The following MAPKAPK5 variants were observed in gnomAD, a reference collection of about 807,000 sequenced individuals.
MAPKAPK5 encodes MAP kinase-activated protein kinase 5.
Under a neutral mutation model 65.1 loss-of-function variants are expected in MAPKAPK5, and 30 were observed. The observed-to-expected ratio is 0.46, with a 90% CI of 0.34 to 0.63. The LOEUF (loss-of-function observed/expected upper bound fraction) is 0.63. Ranked by LOEUF, MAPKAPK5 falls within the 20% of genes least tolerant of loss-of-function variation. The probability of loss-of-function intolerance (pLI) is 0.01; values close to 1 mark genes in which losing one functional copy is unlikely to be tolerated. For missense variants in MAPKAPK5, 433 were observed against 581.4 expected (o/e 0.74, Z 2.63); for synonymous variants, 179 against 204.6 (o/e 0.87, Z 1.07).
At position 111,901,817 on chromosome 12, in the gene MAPKAPK5, T is replaced by C. The variant is rs2071075546; in HGVS notation, c.*8756T>C. ...AGCTTTAGTGGCTCTGACTCAGATA[T>C]ACTGATGTAGAAGGAAGGATTCTTT... On this transcript the variant is annotated 3_prime_UTR_variant, in exon 14 of 14. Transcript: ENST00000550735. 6.2e-6 allele frequency: 1 copy of C among 161,162 alleles called. No individual in the cohort carries two copies. Among genetic ancestry groups the C allele is most frequent in the African/African-American group, 2.4e-5 (1 of 41,500 alleles). 10.0% of individuals were successfully genotyped at this position (161,162 alleles called of 1,614,324 possible).
chr12:111,900,855 G>A lies in MAPKAPK5; in HGVS notation c.*7794G>A. 2.2e-6 allele frequency: 1 copy of A among 456,064 alleles called. No individual in the cohort carries two copies. The highest frequency in any genetic ancestry group is 4.4e-6 in the Non-Finnish European group (1 of 226,806). 28.3% of individuals were successfully genotyped at this position (456,064 alleles called of 1,614,324 possible). On this transcript the variant is annotated 3_prime_UTR_variant, in exon 14 of 14. Coordinates refer to ENST00000550735, the MANE Select transcript of MAPKAPK5 (RefSeq NM_003668.4). ...TCATACAATTTACGAGTGCCTTAAA[G>A]TTCATTGTATGGACCCTAATAATCA...
rs1325271526 is a variant in MAPKAPK5 at position 111,899,887 on chromosome 12, C to A, written c.*6826C>A. 9 of 455,924 alleles carry A rather than the reference C, an allele frequency of 2.0e-5. No homozygotes were observed. Among genetic ancestry groups the A allele is most frequent in the Non-Finnish European group, 8.8e-6 (2 of 226,774 alleles). 28.2% of individuals were successfully genotyped at this position (455,924 alleles called of 1,614,324 possible). Reference sequence around the variant, plus strand: ...AAGCGTGAGTCTCCTGTGGTGTCTACTAGCTGGCAACAAGGGAGCAGGAAG... The same window carrying A: ...AAGCGTGAGTCTCCTGTGGTGTCTAATAGCTGGCAACAAGGGAGCAGGAAG... On this transcript the variant is annotated 3_prime_UTR_variant, in exon 14 of 14. Coordinates refer to ENST00000550735, the MANE Select transcript of MAPKAPK5 (RefSeq NM_003668.4).
intron 7 of MAPKAPK5, among the ~76,000 whole-genome samples, chr12:111,878,019 TA>T (rs1043116658): frequency 1.4e-5 from 2 of 145,170 alleles, no homozygotes. Context: ...TTTTTTTTTT[TA>T]AACTCTCCCA....
chr12:111,855,860 T>TC (rs1032283676), intron 1 of MAPKAPK5, among the ~76,000 whole-genome samples: 2 of 151,538 alleles, frequency 1.3e-5, no homozygotes, highest in African/African-American at 4.8e-5. Context: ...TTTCTTTTTT[T>TC]TTTTTTTTTC....
At chr12:111,879,990 G>A (rs2070137945) in intron 7 of MAPKAPK5, 1 of 204,046 alleles carries the variant, frequency 4.9e-6, no homozygotes, top group African/African-American at 2.3e-5. Context: ...CTCCTCATGG[G>A]ACATTAGAGA....
In MAPKAPK5 at chr12:111,893,199, TTAATAA is replaced by T. The variant is rs984535446; in HGVS notation, c.*141_*146del. ...GCTGTATAGATTTAGGGTGCAGGAC[TTAATAA>T]TAGTATAGTTATTGTTTGTTTTTAA... is the stretch of plus-strand genomic sequence containing the variant. On this transcript the variant is annotated 3_prime_UTR_variant, in exon 14 of 14. Coordinates refer to ENST00000550735, the MANE Select transcript of MAPKAPK5 (RefSeq NM_003668.4). 6 of 537,744 alleles carry T rather than the reference TTAATAA, an allele frequency of 1.1e-5. No individual in the cohort carries two copies. The highest frequency in any genetic ancestry group is 5.8e-5 in the African/African-American group (3 of 52,162). 33.3% of individuals were successfully genotyped at this position (537,744 alleles called of 1,614,324 possible). A position where few individuals can be genotyped will look rare whatever the true frequency, so the allele number is the denominator to read the frequency against.
chr12:111,884,081 T>TGA (rs2070324625), intron 9 of MAPKAPK5, among the ~76,000 whole-genome samples: 1 of 152,152 alleles, frequency 6.6e-6, no homozygotes, highest in Non-Finnish European at 1.5e-5. Flanking sequence ...TTCTTACCTG[T>TGA]GAGCTGGCAT....
rs2070978796 is a variant in MAPKAPK5 at position 111,900,143 on chromosome 12, A to G, written c.*7082A>G. ...CCGAGGGGGACCTAATAGATGTCAC[A>G]GTGGACTTGCAAATCACACTCAGGA... On this transcript the variant is annotated 3_prime_UTR_variant, in exon 14 of 14. Coordinates refer to ENST00000550735, the MANE Select transcript of MAPKAPK5 (RefSeq NM_003668.4). 6.6e-6 allele frequency: 3 copies of G among 455,948 alleles called. No individual in the cohort carries two copies. Among genetic ancestry groups the G allele is most frequent in the South Asian group, 4.6e-5 (3 of 64,550 alleles). 28.2% of individuals were successfully genotyped at this position (455,948 alleles called of 1,614,324 possible).
chr12:111,885,859 C>G (rs2070383773), intron 9 of MAPKAPK5, 57 bp from the exon 10 acceptor site: 2 of 1,611,312 alleles, frequency 1.2e-6, no homozygotes, highest in South Asian at 1.1e-5. Context: ...CCAGGAACTT[C>G]CTATGGCCTT....
chr12:111,873,897 T>C (rs1020818121), intron 7 of MAPKAPK5, among the ~76,000 whole-genome samples: 2 of 152,170 alleles, frequency 1.3e-5, no homozygotes, highest in South Asian at 2.1e-4. Context: ...TGGGGTGGTA[T>C]TTAATCTATA....
At chr12:111,890,748 T>C (rs936364042) in intron 13 of MAPKAPK5, among the ~76,000 whole-genome samples, 16 of 152,126 alleles carry the variant, frequency 1.1e-4, no homozygotes, top group African/African-American at 3.6e-4. Flanking sequence ...ACCTCTGCCT[T>C]CCGGGTTCAA....
At chr12:111,865,584 T>C (rs2069574333) in intron 2 of MAPKAPK5, among the ~76,000 whole-genome samples, 2 of 152,050 alleles carry the variant, frequency 1.3e-5, no homozygotes, top group South Asian at 2.1e-4. Context: ...ATGCCTGTTA[T>C]CCCAGAACTT....
chr12:111,867,692 T>C, intron 4 of MAPKAPK5, 23 bp downstream of exon 4: 6 of 1,573,614 alleles, frequency 3.8e-6, no homozygotes, highest in Non-Finnish European at 5.2e-6. Flanking sequence ...AGTGTCATCA[T>C]CAAATGCCCA....
In MAPKAPK5 at chr12:111,873,332, TTTTGTTTG is replaced by T. The variant is rs949072150; in HGVS notation, c.579+2168_579+2175del. On this transcript the variant is annotated intron_variant, in intron 7 of 13. Transcript: ENST00000550735. Reference sequence around the variant, plus strand: ...AGGATTGCATCATTGAATTGCAGTTTTTTGTTTGTTTGTTTGTTTGTTTTTGAGACGGA... The same window carrying T: ...AGGATTGCATCATTGAATTGCAGTTTTTTGTTTGTTTGTTTTTGAGACGGA... Among the ~76,000 whole-genome samples, 7 of 152,108 alleles carry T rather than the reference TTTTGTTTG, an allele frequency of 4.6e-5. No individual in the cohort carries two copies. In the South Asian group the frequency reaches 1.0e-3, roughly 23 times the overall value.
chr12:111,868,894 A>G, intron 5 of MAPKAPK5, 33 bp downstream of exon 5: 1 of 1,502,134 alleles, frequency 6.7e-7, no homozygotes, highest in Non-Finnish European at 9.0e-7. Flanking sequence ...TCAAACTGCC[A>G]CCAAAGTTGG....
intron 9 of MAPKAPK5, among the ~76,000 whole-genome samples, chr12:111,884,458 G>A (rs1032972954): frequency 1.3e-5 from 2 of 152,190 alleles, no homozygotes; most frequent in African/African-American, 2.4e-5. Flanking sequence ...CGATCTGCCC[G>A]CCTCGGCCTT....
chr12:111,873,885 A>T (rs893629941), intron 7 of MAPKAPK5, among the ~76,000 whole-genome samples: 2 of 152,154 alleles, frequency 1.3e-5, no homozygotes, highest in African/African-American at 4.8e-5. Context: ...CTGGGATTTG[A>T]CTGGGGTGGT....
intron 7 of MAPKAPK5, among the ~76,000 whole-genome samples, chr12:111,873,456 G>T (rs1254094969): frequency 6.6e-6 from 1 of 152,110 alleles, no homozygotes; most frequent in Non-Finnish European, 1.5e-5. Context: ...GAATTCTCCT[G>T]CCTCAGCCTC....
chr12:111,851,056 G>A (rs1056126218), intron 1 of MAPKAPK5, among the ~76,000 whole-genome samples: 9 of 151,848 alleles, frequency 5.9e-5, no homozygotes, highest in Admixed American at 3.9e-4. Flanking sequence ...CTGCCACCAC[G>A]CCCAGCTAAT....
Sources: gnomAD v4.1 joint callset for allele counts (sites outside exome capture counted in the v4.1 genomes callset) on GRCh38, gnomAD v4.1.1 for gene constraint, MANE v1.5 for transcripts, NCBI Gene and HGNC (gene_info 2026-07-23, HGNC 2026-07-21) for gene names.